Variants in CRACD observed in about 807,000 individuals in gnomAD.
The protein encoded by CRACD is capping protein inhibiting regulator of actin dynamics.
In CRACD, 56 loss-of-function variants were observed where a neutral mutation model predicts 106.8. The ratio of observed to expected loss-of-function variants is 0.52; its 90% CI spans 0.42 to 0.66. The LOEUF (loss-of-function observed/expected upper bound fraction) is 0.66, where lower values mean the gene tolerates loss of function less well. Ranked by LOEUF, CRACD falls within the 30% of genes least tolerant of loss-of-function variation. CRACD has a pLI of 0.00. For missense variants in CRACD, 1,730 were observed against 1,623.2 expected (o/e 1.07, Z -1.13); for synonymous variants, 754 against 670.8 (o/e 1.12, Z -1.92).
chr4:56,295,801 A>C (rs894737573), intron 3 of CRACD, among the ~76,000 whole-genome samples: 1 of 151,616 alleles, frequency 6.6e-6, no homozygotes, highest in African/African-American at 2.4e-5. Flanking sequence ...AGAAGTTTAG[A>C]CAGAGAATAT....
chr4:56,162,438 G>A (rs1237319654), intron 1 of CRACD, among the ~76,000 whole-genome samples: 1 of 152,020 alleles, frequency 6.6e-6, no homozygotes, highest in Non-Finnish European at 1.5e-5. Flanking sequence ...TGAACTCTTG[G>A]TCTCAAGATC....
At chr4:56,163,832 G>T (rs1490000920) in intron 1 of CRACD, among the ~76,000 whole-genome samples, 1 of 151,868 alleles carries the variant, frequency 6.6e-6, no homozygotes, top group Non-Finnish European at 1.5e-5. Context: ...TGCAACCTCT[G>T]CCTCCTGGGT....
intron 2 of CRACD, among the ~76,000 whole-genome samples, chr4:56,220,149 C>G (rs1182609701): frequency 6.6e-6 from 1 of 152,226 alleles, no homozygotes; most frequent in African/African-American, 2.4e-5. Context: ...CTTTGATCAG[C>G]AACCATACCT....
chr4:56,211,865 G>A (rs2109492824), intron 2 of CRACD, among the ~76,000 whole-genome samples: 1 of 152,268 alleles, frequency 6.6e-6, no homozygotes, highest in Middle Eastern at 3.4e-3. Flanking sequence ...TCTCAATCTG[G>A]TCCATGGATT....
chr4:56,095,460 G>A (rs1341077652), intron 1 of CRACD, among the ~76,000 whole-genome samples: 1 of 152,174 alleles, frequency 6.6e-6, no homozygotes, highest in Non-Finnish European at 1.5e-5. Context: ...TTGCTAGGGA[G>A]GCCTCATTCA....
At chr4:56,081,665 A>G (rs747313829) in intron 1 of CRACD, among the ~76,000 whole-genome samples, 17 of 152,160 alleles carry the variant, frequency 1.1e-4, no homozygotes, top group Non-Finnish European at 2.1e-4. Context: ...GTTATTGGGC[A>G]TGGGGTAGTG....
intron 1 of CRACD, among the ~76,000 whole-genome samples, chr4:56,088,757 G>T (rs1023454286): frequency 6.7e-6 from 1 of 149,944 alleles, no homozygotes; most frequent in Non-Finnish European, 1.5e-5. Context: ...TTGCTCTGTT[G>T]CCCAGGCTGG....
intron 2 of CRACD, among the ~76,000 whole-genome samples, chr4:56,183,899 C>T (rs907020503): frequency 3.9e-5 from 6 of 152,276 alleles, no homozygotes; most frequent in Admixed American, 2.6e-4. Context: ...TTGTAGTTTC[C>T]TTTCAAGGTC....
chr4:56,133,743 G>A (rs890851347), intron 1 of CRACD, among the ~76,000 whole-genome samples: 43 of 152,240 alleles, frequency 2.8e-4, no homozygotes, highest in Non-Finnish European at 4.1e-4. Context: ...GTTCTTTCCC[G>A]TAAGGACTTA....
At chr4:56,285,505 T>C (rs545349853) in intron 3 of CRACD, among the ~76,000 whole-genome samples, 26 of 152,202 alleles carry the variant, frequency 1.7e-4, no homozygotes, top group African/African-American at 5.5e-4. Flanking sequence ...AGTGGTGGGA[T>C]CACAGCTCAC....
chr4:56,151,365 T>A (rs73152922), intron 1 of CRACD, among the ~76,000 whole-genome samples: 2 of 152,284 alleles, frequency 1.3e-5, no homozygotes, highest in Admixed American at 1.3e-4. Flanking sequence ...TTTACCAGTC[T>A]GATGCACAGG....
In CRACD at chr4:56,310,798, C is replaced by CT. The variant is rs370254619; in HGVS notation, c.354+76dup. The CT allele has an allele frequency of 7.4e-3, 5,943 of 801,986 alleles. 50 individuals are homozygous for CT. Among genetic ancestry groups the CT allele is most frequent in the African/African-American group, 0.049 (2,562 of 52,582 alleles). 49.7% of individuals were successfully genotyped at this position (801,986 alleles called of 1,614,324 possible). A position where few individuals can be genotyped will look rare whatever the true frequency, so the allele number is the denominator to read the frequency against. ...TACTTAACTTTCATCTTCCCCCCCC[C>CT]TTTTTTTTTTTTGCGACCTGCTGCC... On this transcript the variant is annotated intron_variant, in intron 6 of 10. Coordinates refer to ENST00000682029, the MANE Select transcript of CRACD (RefSeq NM_001393381.1).
At chr4:56,141,334 C>T (rs546188666) in intron 1 of CRACD, among the ~76,000 whole-genome samples, 5 of 152,154 alleles carry the variant, frequency 3.3e-5, no homozygotes, top group Non-Finnish European at 5.9e-5. Flanking sequence ...CGTGAAACCC[C>T]GTTGAAAGGA....
intron 2 of CRACD, among the ~76,000 whole-genome samples, chr4:56,251,353 G>A (rs6823520): frequency 0.74 from 112,574 of 152,070 alleles, 41,657 homozygotes; most frequent in Middle Eastern, 0.84. Flanking sequence ...GTCACTTCCA[G>A]CTCCTTGAAA....
chr4:56,315,573 TTGA>T lies in CRACD; in HGVS notation c.2072_2074del (p.Leu691_Arg692delinsTrp). The T allele has an allele frequency of 7.4e-6, 12 of 1,614,020 alleles. No individual in the cohort carries two copies. The highest frequency in any genetic ancestry group is 1.0e-5 in the Non-Finnish European group (12 of 1,179,988). ...CCCGCGCAGCAGCGAGAGGGACCAGTTGAGGCCCGGTGATGAGTCCACTCCCAG... is the reference window on the plus strand; with the variant it reads ...CCCGCGCAGCAGCGAGAGGGACCAGTGGCCCGGTGATGAGTCCACTCCCAG... On this transcript the variant is annotated inframe_deletion, in exon 8 of 11. Coordinates refer to ENST00000682029, the MANE Select transcript of CRACD (RefSeq NM_001393381.1). This position sits in a 1 kb window ranked among gnomAD's most constrained non-coding sequence, Gnocchi z 4.1.
chr4:56,222,282 A>G (rs753580366), intron 2 of CRACD, among the ~76,000 whole-genome samples: 12 of 152,250 alleles, frequency 7.9e-5, no homozygotes, highest in Non-Finnish European at 1.6e-4. Context: ...TAATTGAAAT[A>G]ACACAGGAAT....
chr4:56,159,417 G>A (rs994790760), intron 1 of CRACD, among the ~76,000 whole-genome samples: 2 of 152,164 alleles, frequency 1.3e-5, no homozygotes, highest in African/African-American at 2.4e-5. Context: ...TTGGGAGGCC[G>A]AGGCGGGTGG....
chr4:56,110,010 A>C (rs1734067050), intron 1 of CRACD, among the ~76,000 whole-genome samples: 1 of 152,198 alleles, frequency 6.6e-6, no homozygotes, highest in Non-Finnish European at 1.5e-5. Context: ...TAATAGATGC[A>C]GAAGGATCTA....
At chr4:56,296,926 T>TGG (rs1744080523) in intron 3 of CRACD, among the ~76,000 whole-genome samples, 1 of 150,424 alleles carries the variant, frequency 6.6e-6, no homozygotes. Flanking sequence ...GTTTGTTTTT[T>TGG]TTTTTTTTTG....
Sources: allele counts gnomAD v4.1 joint callset (sites outside exome capture counted in the v4.1 genomes callset), GRCh38; gene constraint gnomAD v4.1.1; non-coding constraint Gnocchi (gnomAD v3.1); transcripts MANE v1.5; gene names NCBI Gene and HGNC (gene_info 2026-07-23, HGNC 2026-07-21).